The following LINGO1 variants were observed in gnomAD, a reference collection of about 807,000 sequenced individuals.
The protein encoded by LINGO1 is leucine rich repeat and Ig domain containing 1.
In LINGO1, 11 loss-of-function variants were observed where a neutral mutation model predicts 37.3. The ratio of observed to expected loss-of-function variants is 0.29; its 90% CI spans 0.19 to 0.49. The LOEUF is 0.49. Among genes scored for constraint, LINGO1 ranks in the 20% least tolerant of loss-of-function variants. The probability of loss-of-function intolerance (pLI) is 0.99; values close to 1 mark genes in which losing one functional copy is unlikely to be tolerated. For missense variants in LINGO1, 585 were observed against 878.2 expected, an observed-to-expected ratio of 0.67 and a Z score of 4.22; for synonymous variants, 387 against 403.0, an observed-to-expected ratio of 0.96 and a Z score of 0.48.
At chr15:77,653,708 C>G (rs2074810657) in intron 3 of LINGO1, among the ~76,000 whole-genome samples, 2 of 152,178 alleles carry the variant, frequency 1.3e-5, no homozygotes, top group Non-Finnish European at 1.5e-5. Context: ...GTCTCTACCC[C>G]AGAAGCAAAA....
At chr15:77,792,578 T>G (rs2076826605) in intron 2 of LINGO1, among the ~76,000 whole-genome samples, 1 of 152,248 alleles carries the variant, frequency 6.6e-6, no homozygotes, top group African/African-American at 2.4e-5. Flanking sequence ...GAGAGGACTT[T>G]CCTGAGAAGG....
At chr15:77,795,836 T>C (rs1239403852) in intron 2 of LINGO1, 1 of 152,308 alleles carries the variant, frequency 6.6e-6, no homozygotes, top group Admixed American at 6.5e-5. Context: ...TGGCTGCATG[T>C]GGGGAGGGAG....
chr15:77,736,931 T>C (rs1596171847), intron 1 of LINGO1, among the ~76,000 whole-genome samples: 1 of 152,344 alleles, frequency 6.6e-6, no homozygotes, highest in East Asian at 1.9e-4. Context: ...CATGTTTTCC[T>C]AACGGACTGT....
In LINGO1 at chr15:77,679,927, A is replaced by C. The variant is rs1022539661; in HGVS notation, c.-98-2753T>G. ...GGCTCTTCTGAAACCTGGCTCTGAA[A>C]ATGGTCCCACAACAGCCTTTGTACC... On this transcript the variant is annotated intron_variant, in intron 2 of 3. Coordinates refer to the LINGO1 transcript ENST00000559893. Among the ~76,000 whole-genome samples, 9 of 152,340 alleles carry C rather than the reference A, an allele frequency of 5.9e-5. No individual in the cohort carries two copies. In the East Asian group the frequency reaches 1.7e-3, roughly 29 times the overall value.
intron 2 of LINGO1, among the ~76,000 whole-genome samples, chr15:77,721,352 C>T (rs1159286937): frequency 6.6e-6 from 1 of 152,108 alleles, no homozygotes; most frequent in African/African-American, 2.4e-5. Flanking sequence ...TTCCCCCAGC[C>T]ACTGCCTCCC....
chr15:77,645,981 GGGCA>G (rs59333415), intron 3 of LINGO1, among the ~76,000 whole-genome samples: 16,567 of 152,190 alleles, frequency 0.11, 1,366 homozygotes, highest in African/African-American at 0.24. Context: ...GCAAGTGCAT[GGGCA>G]AGCAGGCCTG....
intron 1 of LINGO1, among the ~76,000 whole-genome samples, chr15:77,811,462 G>A (rs920638904): frequency 1.3e-5 from 2 of 152,040 alleles, no homozygotes; most frequent in African/African-American, 4.8e-5. Flanking sequence ...CCAATCCTGG[G>A]CTACATCCGC....
intron 1 of LINGO1, among the ~76,000 whole-genome samples, chr15:77,629,886 A>G (rs2074201980): frequency 6.6e-6 from 1 of 152,140 alleles, no homozygotes; most frequent in East Asian, 1.9e-4. Flanking sequence ...TGACTGGAGA[A>G]GGAGGGGCAA....
At chr15:77,703,861 T>A (rs2075815631) in intron 2 of LINGO1, among the ~76,000 whole-genome samples, 1 of 152,008 alleles carries the variant, frequency 6.6e-6, no homozygotes, top group Admixed American at 6.6e-5. Context: ...TTGGCTTAAG[T>A]AAGGCTGAAC....
chr15:77,713,018 T>C (rs1264154113), intron 2 of LINGO1, among the ~76,000 whole-genome samples: 24 of 152,294 alleles, frequency 1.6e-4, no homozygotes. Flanking sequence ...TCCTTCATTA[T>C]GCTGGGGTTT....
rs929410066 is a variant in LINGO1, at chr15:77,613,907, G to A, written c.*137C>T. On this transcript the variant is annotated 3_prime_UTR_variant, in exon 2 of 2. Transcript: ENST00000355300. Reference sequence around the variant, plus strand: ...GTGAGGGCTGGCGGGGGGCAGCAGGGGACGGAGGCGGGAGGGAGAAAGAGA... The same window carrying A: ...GTGAGGGCTGGCGGGGGGCAGCAGGAGACGGAGGCGGGAGGGAGAAAGAGA... The A allele has an allele frequency of 1.3e-6, 1 of 754,932 alleles. No homozygotes were observed. Among genetic ancestry groups the A allele is most frequent in the African/African-American group, 1.8e-5 (1 of 56,850 alleles). The allele number at this position is 754,932 out of a possible 1,614,324, so 46.8% of individuals were successfully genotyped here. A position where few individuals can be genotyped will look rare whatever the true frequency, so the allele number is the denominator to read the frequency against.
At chr15:77,805,961 G>A (rs561839871) in intron 1 of LINGO1, among the ~76,000 whole-genome samples, 5 of 152,250 alleles carry the variant, frequency 3.3e-5, no homozygotes, top group South Asian at 2.1e-4. Flanking sequence ...GACCCCACCC[G>A]GGGCTGACCT....
intron 1 of LINGO1, among the ~76,000 whole-genome samples, chr15:77,617,196 G>A (rs1259239944): frequency 2.6e-5 from 4 of 152,110 alleles, no homozygotes; most frequent in Non-Finnish European, 4.4e-5. Context: ...GGGAGCCTCC[G>A]TGACCCTCTC....
intron 1 of LINGO1, among the ~76,000 whole-genome samples, chr15:77,775,897 G>T (rs2076632716): frequency 6.6e-6 from 1 of 152,080 alleles, no homozygotes; most frequent in South Asian, 2.1e-4. Context: ...GCAGTTCCAG[G>T]CCTTCGTTCC....
At chr15:77,777,457 ACACACACG>A (rs1371576228) in intron 1 of LINGO1, among the ~76,000 whole-genome samples, 7 of 29,034 alleles carry the variant, frequency 2.4e-4, no homozygotes, top group African/African-American at 4.5e-4. Flanking sequence ...TTGGACATAT[ACACACACG>A]CACACACACA....
At chr15:77,645,610 G>T (rs1480413789) in intron 3 of LINGO1, among the ~76,000 whole-genome samples, 2 of 152,244 alleles carry the variant, frequency 1.3e-5, no homozygotes, top group East Asian at 3.8e-4. Context: ...CTAGGCCAGT[G>T]GGTCTCTGAC....
At chr15:77,769,972 T>C (rs540339358) in intron 1 of LINGO1, among the ~76,000 whole-genome samples, 1 of 152,130 alleles carries the variant, frequency 6.6e-6, no homozygotes, top group East Asian at 1.9e-4. Context: ...CTGCAGTAAA[T>C]GGTGGGCCAG....
At chr15:77,801,369 TAG>T (rs1294590762) in intron 1 of LINGO1, among the ~76,000 whole-genome samples, 2 of 152,134 alleles carry the variant, frequency 1.3e-5, no homozygotes, top group Non-Finnish European at 2.9e-5. Context: ...TGTATAACAA[TAG>T]AGAAAAAATC....
intron 3 of LINGO1, among the ~76,000 whole-genome samples, chr15:77,665,731 C>T (rs926751790): frequency 6.6e-6 from 1 of 152,248 alleles, no homozygotes; most frequent in Non-Finnish European, 1.5e-5. Context: ...AGGTGAGATG[C>T]TGAGCTGACC....
Sources: gnomAD v4.1 joint callset for allele counts (sites outside exome capture counted in the v4.1 genomes callset) on GRCh38, gnomAD v4.1.1 for gene constraint, MANE v1.5 for transcripts, NCBI Gene and HGNC (gene_info 2026-07-23, HGNC 2026-07-21) for gene names.